Variants in RIMS2 observed in about 807,000 individuals in gnomAD.
RIMS2 encodes the protein regulating synaptic membrane exocytosis 2.
A neutral mutation model predicts 174.4 loss-of-function variants in RIMS2; 59 were observed. The observed-to-expected ratio is 0.34, with a 90% CI of 0.27 to 0.42. The LOEUF (loss-of-function observed/expected upper bound fraction) is 0.42. RIMS2 is among the 10% of genes least tolerant of loss of function. The probability of loss-of-function intolerance (pLI) is 1.00; values close to 1 mark genes in which losing one functional copy is unlikely to be tolerated. For missense variants in RIMS2, 1,620 were observed against 1,666.3 expected (o/e 0.97, Z 0.48); for synonymous variants, 606 against 572.5 (o/e 1.06, Z -0.84).
intron 3 of RIMS2, among the ~76,000 whole-genome samples, chr8:103,789,117 G>A (rs932188440): frequency 3.9e-5 from 6 of 152,172 alleles, no homozygotes; most frequent in Admixed American, 1.3e-4. Flanking sequence ...GCAATGCCTC[G>A]CCCTGCTTCG....
chr8:103,842,413 A>G (rs890439252), intron 3 of RIMS2, among the ~76,000 whole-genome samples: 1 of 152,130 alleles, frequency 6.6e-6, no homozygotes, highest in African/African-American at 2.4e-5. Context: ...TAATGTGGCA[A>G]TGAATTTTAT....
intron 1 of RIMS2, among the ~76,000 whole-genome samples, chr8:103,689,923 T>C (rs112181877): frequency 0.059 from 8,953 of 151,792 alleles, 897 homozygotes; most frequent in African/African-American, 0.2. Flanking sequence ...TGATTGTTTG[T>C]TTGTTTGTTT....
chr8:103,526,299 T>C (rs187897131), intron 1 of RIMS2, among the ~76,000 whole-genome samples: 12 of 152,338 alleles, frequency 7.9e-5, no homozygotes, highest in Admixed American at 5.9e-4. Context: ...CATCTAAGAT[T>C]GTTAATGACT....
chr8:103,911,917 G>T (rs2075751729), intron 5 of RIMS2, 136 bp from the exon 9 acceptor site: 7 of 584,024 alleles, frequency 1.2e-5, no homozygotes, highest in Non-Finnish European at 2.0e-5. Context: ...ATGAAAGCTG[G>T]TTTGTGTAAT....
At chr8:103,718,387 C>T (rs947184069) in intron 2 of RIMS2, among the ~76,000 whole-genome samples, 1 of 152,024 alleles carries the variant, frequency 6.6e-6, no homozygotes, top group Non-Finnish European at 1.5e-5. Flanking sequence ...TGTTTTTTCT[C>T]AGTCATTGTG....
At chr8:103,802,332 G>A (rs2098616303) in intron 3 of RIMS2, among the ~76,000 whole-genome samples, 1 of 152,170 alleles carries the variant, frequency 6.6e-6, no homozygotes, top group Admixed American at 6.5e-5. Context: ...TATATTAGCA[G>A]TAGAAGTATA....
intron 16 of RIMS2, among the ~76,000 whole-genome samples, chr8:103,988,152 G>C (rs1016519158): frequency 6.6e-6 from 1 of 152,158 alleles, no homozygotes. Context: ...ATTAAAACTA[G>C]GATGGAACTT....
chr8:103,881,239 C>T (rs1339147892), intron 3 of RIMS2, among the ~76,000 whole-genome samples: 1 of 151,406 alleles, frequency 6.6e-6, no homozygotes, highest in African/African-American at 2.4e-5. Flanking sequence ...CATATTTCTA[C>T]AGTTGAGTTA....
rs1263202507 is a variant in RIMS2 at position 103,697,080 on chromosome 8, C to T, written c.177-6C>T. On this transcript the variant is annotated splice_polypyrimidine_tract_variant and splice_region_variant and intron_variant, in intron 1 of 23. Coordinates refer to ENST00000504942, the Ensembl canonical transcript of RIMS2. ...CAACTTTTTTTCTTATCTATTTTCTCTGCAGAAAACTGCATCAGCAGTTTG... is the reference window on the plus strand; with the variant it reads ...CAACTTTTTTTCTTATCTATTTTCTTTGCAGAAAACTGCATCAGCAGTTTG... 2 of 1,604,388 alleles carry T rather than the reference C, an allele frequency of 1.2e-6. No individual in the cohort carries two copies. Among genetic ancestry groups the T allele is most frequent in the African/African-American group, 2.7e-5 (2 of 74,638 alleles).
chr8:104,078,713 T>G (rs992672740), intron 19 of RIMS2, among the ~76,000 whole-genome samples: 14 of 152,344 alleles, frequency 9.2e-5, no homozygotes, highest in African/African-American at 3.4e-4. Context: ...TGAAAGCATA[T>G]TTGATTAGAA....
intron 4 of RIMS2, among the ~76,000 whole-genome samples, chr8:103,903,572 A>G (rs1056204909): frequency 6.6e-6 from 1 of 152,204 alleles, no homozygotes; most frequent in African/African-American, 2.4e-5. Context: ...TTACAATAGA[A>G]GTAAGTGAAG....
intron 1 of RIMS2, among the ~76,000 whole-genome samples, chr8:103,667,280 G>A (rs923297650): frequency 6.6e-6 from 1 of 152,168 alleles, no homozygotes; most frequent in Non-Finnish European, 1.5e-5. Flanking sequence ...TTTATTGGAT[G>A]TAGCATAACT....
At chr8:103,872,928 G>A (rs2099119284) in intron 3 of RIMS2, among the ~76,000 whole-genome samples, 1 of 152,116 alleles carries the variant, frequency 6.6e-6, no homozygotes, top group South Asian at 2.1e-4. Flanking sequence ...AACCAATTGT[G>A]TTTGCCACAT....
At chr8:104,152,322 G>T (rs1172560459) in intron 19 of RIMS2, among the ~76,000 whole-genome samples, 2 of 151,986 alleles carry the variant, frequency 1.3e-5, no homozygotes, top group Non-Finnish European at 1.5e-5. Flanking sequence ...CTTAAAATTT[G>T]CAGTTATTCA....
At chr8:103,947,627 C>G (rs575405311) in intron 14 of RIMS2, among the ~76,000 whole-genome samples, 2 of 151,408 alleles carry the variant, frequency 1.3e-5, no homozygotes, top group South Asian at 4.3e-4. Context: ...AAATGATATA[C>G]GTGAATAGGG....
At chr8:103,529,615 G>C (rs1228515663) in intron 1 of RIMS2, among the ~76,000 whole-genome samples, 1 of 152,156 alleles carries the variant, frequency 6.6e-6, no homozygotes, top group Non-Finnish European at 1.5e-5. Context: ...CTCATGCTCG[G>C]TGCTCTGCAC....
At chr8:103,749,980 G>A (rs2097864882) in intron 2 of RIMS2, among the ~76,000 whole-genome samples, 1 of 151,988 alleles carries the variant, frequency 6.6e-6, no homozygotes, top group Non-Finnish European at 1.5e-5. Context: ...TCAGAATTGG[G>A]TTCTAAGCTT....
chr8:103,655,786 T>C (rs1173675301), intron 1 of RIMS2, among the ~76,000 whole-genome samples: 2 of 151,468 alleles, frequency 1.3e-5, no homozygotes, highest in Admixed American at 6.6e-5. Flanking sequence ...TGAGAGGGAG[T>C]GTGGCAGGAG....
intron 3 of RIMS2, among the ~76,000 whole-genome samples, chr8:103,791,754 A>G (rs1335207668): frequency 6.6e-6 from 1 of 152,226 alleles, no homozygotes; most frequent in African/African-American, 2.4e-5. Context: ...AAACAAAAAA[A>G]GGTAGGGGTT....
Sources: allele counts gnomAD v4.1 joint callset (sites outside exome capture counted in the v4.1 genomes callset), GRCh38; gene constraint gnomAD v4.1.1; transcripts MANE v1.5; gene names NCBI Gene and HGNC (gene_info 2026-07-23, HGNC 2026-07-21).